DSE: variants seen among roughly 807,000 people sequenced by gnomAD.
The protein encoded by DSE is dermatan sulfate epimerase, also known as dermatan-sulfate epimerase.
Under a neutral mutation model 84.4 loss-of-function variants are expected in DSE, and 36 were observed. The ratio of observed to expected loss-of-function variants is 0.43; its 90% confidence interval spans 0.33 to 0.56. DSE has a LOEUF of 0.56. DSE is among the 20% of genes least tolerant of loss of function. The probability of loss-of-function intolerance (pLI) is 0.06; values close to 1 mark genes in which losing one functional copy is unlikely to be tolerated. For synonymous variants in DSE, 410 were observed against 430.1 expected, an observed-to-expected ratio of 0.95 and a Z score of 0.58; for missense variants, 862 against 1,169.6, an observed-to-expected ratio of 0.74 and a Z score of 3.84.
Position 116,442,117 on chromosome 6 carries a change from C to G in DSE, c.*4772C>G, listed in dbSNP as rs970017721. On this transcript the variant is annotated 3_prime_UTR_variant, in exon 6 of 6. Coordinates refer to ENST00000644252, the MANE Select transcript of DSE (RefSeq NM_013352.4). The stretch of plus-strand genomic sequence containing the variant: ...ATAAGGGAATGAATCACAGGGACAT[C>G]TAAGAGAGAGGAGCATTCCAGATAG... 5 of 152,224 alleles carry G rather than the reference C, an allele frequency of 3.3e-5. No homozygotes were observed. Among genetic ancestry groups the G allele is most frequent in the African/African-American group, 1.2e-4 (5 of 41,414 alleles). 9.4% of individuals were successfully genotyped at this position (152,224 alleles called of 1,614,324 possible).
intron 2 of DSE, among the ~76,000 whole-genome samples, chr6:116,360,120 G>A (rs1414580812): frequency 1.3e-5 from 2 of 152,092 alleles, no homozygotes; most frequent in South Asian, 2.1e-4. Context: ...ACCAAACACC[G>A]CATGTTCTCA....
intron 2 of DSE, among the ~76,000 whole-genome samples, chr6:116,307,774 G>A (rs1482977345): frequency 4.6e-5 from 7 of 152,172 alleles, no homozygotes; most frequent in Non-Finnish European, 1.0e-4. Context: ...GCTGCACAAG[G>A]AAAGAAGTGT....
In DSE at chr6:116,295,987, A is replaced by C. The variant is rs142035960; in HGVS notation, c.-54+37020A>C. ...AAGACAGCACTTTTCATTCAACCTC[A>C]TCAATCTTGGAAACCTATTTTTTCA... is the stretch of plus-strand genomic sequence containing the variant. On this transcript the variant is annotated intron_variant, in intron 2 of 3. Coordinates refer to the DSE transcript ENST00000430252. Among the ~76,000 whole-genome samples the C allele has an allele frequency of 1.9e-3, 283 of 152,306 alleles. 1 individual carries two copies. Among genetic ancestry groups the C allele is most frequent in the Admixed American group, 5.4e-3 (83 of 15,292 alleles).
chr6:116,414,928 A>G (rs902225015), intron 2 of DSE, among the ~76,000 whole-genome samples: 1 of 152,240 alleles, frequency 6.6e-6, no homozygotes, highest in African/African-American at 2.4e-5. Flanking sequence ...CATTCTTAAT[A>G]AGACATTTTT....
chr6:116,307,777 A>G (rs1342551398), intron 2 of DSE, among the ~76,000 whole-genome samples: 1 of 152,368 alleles, frequency 6.6e-6, no homozygotes, highest in East Asian at 1.9e-4. Flanking sequence ...GCACAAGGAA[A>G]GAAGTGTGTA....
chr6:116,258,498 G>C, exon 2 of DSE: 1 of 1,105,256 alleles, frequency 9.0e-7, no homozygotes, highest in Non-Finnish European at 1.4e-6. Context: ...GAAAATCAGC[G>C]GTTGGACTTG....
intron 2 of DSE, chr6:116,278,727 G>A (rs752948355): frequency 6.2e-7 from 1 of 1,614,150 alleles, no homozygotes; most frequent in Non-Finnish European, 8.5e-7. Flanking sequence ...CTTGGTTTCT[G>A]CGAATGAAGG....
intron 1 of DSE, among the ~76,000 whole-genome samples, chr6:116,385,100 C>T (rs760037623): frequency 1.3e-5 from 2 of 152,090 alleles, no homozygotes; most frequent in African/African-American, 4.8e-5. Context: ...AATGTGCAGG[C>T]GCTGAGGAGG....
In DSE at chr6:116,444,218, A is replaced by AT. The variant is rs1402926006; in HGVS notation, c.*6879dup. The AT allele has an allele frequency of 1.3e-5, 2 of 152,220 alleles. No individual in the cohort carries two copies. The highest frequency in any genetic ancestry group is 4.8e-5 in the African/African-American group (2 of 41,454). The allele number at this position is 152,220 out of a possible 1,614,324, so 9.4% of individuals were successfully genotyped here. A position where few individuals can be genotyped will look rare whatever the true frequency, so the allele number is the denominator to read the frequency against. On this transcript the variant is annotated 3_prime_UTR_variant, in exon 6 of 6. Transcript: ENST00000644252. ...TTCTTTTGAAAGATTAATTCACAGA[A>AT]TTTTTTATCACAGTTGAAATATCAA...
intron 2 of DSE, among the ~76,000 whole-genome samples, chr6:116,291,548 T>C (rs575084759): frequency 2.0e-5 from 3 of 151,222 alleles, no homozygotes; most frequent in Admixed American, 6.6e-5. Flanking sequence ...TTAAAGGCTT[T>C]TTATTATACA....
At chr6:116,273,315 T>G (rs932159076) in intron 2 of DSE, among the ~76,000 whole-genome samples, 5 of 152,160 alleles carry the variant, frequency 3.3e-5, no homozygotes, top group Admixed American at 2.0e-4. Flanking sequence ...CTAAAAAAAG[T>G]GAAGCCAAAA....
At chr6:116,374,601 T>G (rs1779807185) in intron 1 of DSE, among the ~76,000 whole-genome samples, 2 of 152,190 alleles carry the variant, frequency 1.3e-5, no homozygotes, top group South Asian at 4.1e-4. Flanking sequence ...GAAAAGGAAT[T>G]TATTTTTTAC....
intron 2 of DSE, among the ~76,000 whole-genome samples, chr6:116,346,120 A>G (rs1777950666): frequency 6.6e-6 from 1 of 152,226 alleles, no homozygotes; most frequent in Admixed American, 6.5e-5. Flanking sequence ...AATTGAGGCA[A>G]TAATTAATAG....
intron 1 of DSE, among the ~76,000 whole-genome samples, chr6:116,383,439 A>G (rs1780368909): frequency 6.6e-6 from 1 of 152,188 alleles, no homozygotes; most frequent in African/African-American, 2.4e-5. Context: ...GGAGATGCCA[A>G]GAATGGGGCT....
chr6:116,429,498 C>A (rs1783670818), intron 3 of DSE, among the ~76,000 whole-genome samples: 1 of 152,120 alleles, frequency 6.6e-6, no homozygotes, highest in Admixed American at 6.6e-5. Context: ...AATCTAAAGA[C>A]CTAGGTTGAG....
chr6:116,336,407 A>G (rs188246262), intron 2 of DSE, among the ~76,000 whole-genome samples: 11 of 152,344 alleles, frequency 7.2e-5, no homozygotes, highest in African/African-American at 2.6e-4. Flanking sequence ...AATTAGTACT[A>G]TAATGCCACC....
Position 116,425,627 on chromosome 6 carries a change from TTA to T in DSE, c.417-945_417-944del, listed in dbSNP as rs1416863954. ...TTATTTTATTTATTTTTATTTTATT[TTA>T]TTTTTTTTTTTGAGACGGAGTCTCG... On this transcript the variant is annotated intron_variant, in intron 2 of 5. Coordinates refer to ENST00000644252, the MANE Select transcript of DSE (RefSeq NM_013352.4). Among the ~76,000 whole-genome samples the T allele has an allele frequency of 6.3e-4, 60 of 94,790 alleles. 5 individuals carry two copies. The highest frequency in any genetic ancestry group is 7.6e-4 in the Non-Finnish European group (31 of 40,530). The allele number at this position is 94,790 out of a possible 152,430, so 62.2% of individuals were successfully genotyped here. A position where few individuals can be genotyped will look rare whatever the true frequency, so the allele number is the denominator to read the frequency against.
intron 1 of DSE, among the ~76,000 whole-genome samples, chr6:116,394,137 T>C (rs1340055995): frequency 1.3e-5 from 2 of 152,276 alleles, no homozygotes; most frequent in Admixed American, 6.5e-5. Context: ...CAAATAATAC[T>C]ATTTTGCTAT....
intron 2 of DSE, among the ~76,000 whole-genome samples, chr6:116,348,654 T>C (rs1176278659): frequency 6.6e-6 from 1 of 152,204 alleles, no homozygotes; most frequent in African/African-American, 2.4e-5. Context: ...TAAATCATGC[T>C]GCTATAAAGA....
Sources: gnomAD v4.1 joint callset for allele counts (sites outside exome capture counted in the v4.1 genomes callset) on GRCh38, gnomAD v4.1.1 for gene constraint, MANE v1.5 for transcripts, NCBI Gene and HGNC (gene_info 2026-07-23, HGNC 2026-07-21) for gene names.